BRF1: variants seen among roughly 807,000 people sequenced by gnomAD.
BRF1 encodes BRF1 general transcription factor IIIB subunit.
A neutral mutation model predicts 81.7 loss-of-function variants in BRF1; 59 were observed. The observed-to-expected ratio is 0.72, with a 90% CI of 0.59 to 0.90. The LOEUF (loss-of-function observed/expected upper bound fraction) is 0.90. BRF1 is among the 40% of genes least tolerant of loss of function. The pLI, the probability that BRF1 is intolerant of heterozygous loss-of-function variation, is 0.00. For missense variants in BRF1, 1,050 were observed against 936.3 expected (o/e 1.12, Z -1.58); for synonymous variants, 491 against 395.6 (o/e 1.24, Z -2.86).
chr14:105,248,950 G>A, intron 5 of BRF1: 5 of 983,636 alleles, frequency 5.1e-6, no homozygotes, highest in Non-Finnish European at 6.0e-6. Context: ...GCCGTGGGCA[G>A]GAAGGCCGGG....
intron 1 of BRF1, among the ~76,000 whole-genome samples, chr14:105,295,339 C>T (rs112587488): frequency 6.7e-6 from 1 of 149,914 alleles, no homozygotes; most frequent in African/African-American, 2.5e-5. Context: ...TTGGCGTTGG[C>T]TCACACCTGT....
intron 5 of BRF1, among the ~76,000 whole-genome samples, chr14:105,245,368 A>G (rs1348729097): frequency 6.6e-6 from 1 of 152,104 alleles, no homozygotes; most frequent in Non-Finnish European, 1.5e-5. Context: ...CTCAAAAAAA[A>G]TAAATAAATA....
intron 2 of BRF1, 130 bp from the exon 3 acceptor site, chr14:105,273,024 TA>T (rs1461404993): frequency 9.7e-7 from 1 of 1,030,630 alleles, no homozygotes; most frequent in East Asian, 2.8e-5. Flanking sequence ...GCTCACTTTT[TA>T]TATGTGGGTT....
chr14:105,241,589 G>T (rs142711972), intron 5 of BRF1, 175 bp from the exon 6 acceptor site: 1 of 836,090 alleles, frequency 1.2e-6, no homozygotes, highest in South Asian at 1.7e-5. Flanking sequence ...GGCAGCCATC[G>T]CACCGAACCC....
At chr14:105,228,630 C>G (rs1040164064) in intron 7 of BRF1, among the ~76,000 whole-genome samples, 190 bp downstream of exon 7, 4 of 152,004 alleles carry the variant, frequency 2.6e-5, no homozygotes, top group African/African-American at 7.2e-5. Context: ...AGGGAACTCT[C>G]TGGAGGGAGG....
chr14:105,226,985 A>C, intron 7 of BRF1: 1 of 521,364 alleles, frequency 1.9e-6, no homozygotes, highest in Non-Finnish European at 3.3e-6. Flanking sequence ...ATGGTGGTAC[A>C]CACCTGTAGT....
chr14:105,248,442 G>A (rs2055279881), intron 5 of BRF1: 1 of 985,284 alleles, frequency 1.0e-6, no homozygotes, highest in Non-Finnish European at 1.2e-6. Context: ...GCTCGCGCCG[G>A]TTGCTGGGCA....
rs587775213 is a variant in BRF1, at chr14:105,249,557, G to A, written c.544+2950C>T. On this transcript the variant is annotated intron_variant, in intron 5 of 17. Transcript: ENST00000547530. ...GAGGCTTCTGAAGGGAAGCACACAGGAGCTGATGGACTCCTCTCCCAGGCC... is the reference window on the plus strand; with the variant it reads ...GAGGCTTCTGAAGGGAAGCACACAGAAGCTGATGGACTCCTCTCCCAGGCC... 6.9e-6 allele frequency: 11 copies of A among 1,590,970 alleles called. No homozygotes were observed. In the African/African-American group the frequency reaches 8.1e-5, roughly 12 times the overall value.
At chr14:105,280,480 G>A (rs1159200141) in intron 2 of BRF1, among the ~76,000 whole-genome samples, 1 of 152,284 alleles carries the variant, frequency 6.6e-6, no homozygotes, top group Non-Finnish European at 1.5e-5. Context: ...TAAACCCATA[G>A]AACACGCACC....
At position 105,209,681 on chromosome 14, in the gene BRF1, G is replaced by A; in HGVS notation, c.*870C>T. The A allele has an allele frequency of 1.5e-6, 1 of 659,300 alleles. No individual in the cohort carries two copies. The highest frequency in any genetic ancestry group is 2.8e-6 in the Non-Finnish European group (1 of 362,262). 40.8% of individuals were successfully genotyped at this position (659,300 alleles called of 1,614,324 possible). On this transcript the variant is annotated 3_prime_UTR_variant, in exon 18 of 18. Transcript: ENST00000547530. ...GGGCCTGATCCAGCTCTGACAGGGA[G>A]CGCCACTGCCCTCTGGCTCTGTCCA...
intron 1 of BRF1, among the ~76,000 whole-genome samples, chr14:105,289,377 C>A (rs753749509): frequency 1.3e-5 from 2 of 152,166 alleles, no homozygotes; most frequent in Non-Finnish European, 2.9e-5. Flanking sequence ...TGGAGCAGGT[C>A]GCAGTGGTGT....
intron 1 of BRF1, among the ~76,000 whole-genome samples, chr14:105,311,526 A>G (rs998461428): frequency 6.6e-6 from 1 of 152,170 alleles, no homozygotes; most frequent in Non-Finnish European, 1.5e-5. Context: ...AAGTGCTGGG[A>G]TTACAGGTGT....
chr14:105,250,976 A>G, intron 5 of BRF1: 1 of 367,226 alleles, frequency 2.7e-6, no homozygotes, highest in Non-Finnish European at 5.2e-6. Flanking sequence ...TCTTCCTGCT[A>G]CCCTCTTGGA....
intron 5 of BRF1, chr14:105,249,844 C>T: frequency 6.2e-7 from 1 of 1,613,238 alleles, no homozygotes; most frequent in South Asian, 1.1e-5. Context: ...GCTGGGAGGT[C>T]ATTGACGCAC....
intron 1 of BRF1, among the ~76,000 whole-genome samples, chr14:105,295,303 CAAAAA>C (rs869251134): frequency 2.2e-4 from 8 of 36,594 alleles, no homozygotes; most frequent in African/African-American, 7.2e-4. Flanking sequence ...CACATCTCTA[CAAAAA>C]AAAAAAAAAA....
Position 105,209,645 on chromosome 14 carries a change from T to C in BRF1, c.*906A>G. The C allele has an allele frequency of 1.5e-6, 1 of 687,426 alleles. No individual in the cohort carries two copies. Among genetic ancestry groups the C allele is most frequent in the Non-Finnish European group, 2.7e-6 (1 of 375,816 alleles). 42.6% of individuals were successfully genotyped at this position (687,426 alleles called of 1,614,324 possible). A position where few individuals can be genotyped will look rare whatever the true frequency, so the allele number is the denominator to read the frequency against. On this transcript the variant is annotated 3_prime_UTR_variant, in exon 18 of 18. Coordinates refer to ENST00000547530, the MANE Select transcript of BRF1 (RefSeq NM_001519.4). The stretch of plus-strand genomic sequence containing the variant: ...CTCTCGGGCCTCCGTCTGCCCTCCC[T>C]CCTCGATGGGGGGCCTGATCCAGCT...
At chr14:105,303,382 T>A (rs2140629486), upstream of BRF1, among the ~76,000 whole-genome samples, 1 of 152,302 alleles carries the variant, frequency 6.6e-6, no homozygotes, top group African/African-American at 2.4e-5. Context: ...TAGCTGGGAC[T>A]ACAGGTGCCC....
intron 1 of BRF1, among the ~76,000 whole-genome samples, chr14:105,292,674 C>T (rs1473363739): frequency 1.3e-5 from 2 of 152,184 alleles, no homozygotes; most frequent in Admixed American, 6.5e-5. Flanking sequence ...GAACACAGAG[C>T]GTGTGCCTAC....
In BRF1 at chr14:105,218,889, C is replaced by A. The variant is rs992005871; in HGVS notation, c.1515+109G>T. On this transcript the variant is annotated intron_variant, in intron 14 of 17. Coordinates refer to ENST00000547530, the MANE Select transcript of BRF1 (RefSeq NM_001519.4). ...AGCACATGGCCTCCGGCTGCCTGCC[C>A]TGGGGCCTAGACCCTCCTGTCACAT... 7.3e-6 allele frequency: 11 copies of A among 1,507,740 alleles called. No individual in the cohort carries two copies. The South Asian group carries it at 1.3e-4, about 18-fold the overall frequency. The allele number at this position is 1,507,740 out of a possible 1,614,324, so 93.4% of individuals were successfully genotyped here.
Sources: allele counts gnomAD v4.1 joint callset (sites outside exome capture counted in the v4.1 genomes callset), GRCh38; gene constraint gnomAD v4.1.1; transcripts MANE v1.5; gene names NCBI Gene and HGNC (gene_info 2026-07-23, HGNC 2026-07-21).